The following ATP9B variants were observed in gnomAD, a reference collection of about 807,000 sequenced individuals.
The protein encoded by ATP9B is probable phospholipid-transporting ATPase IIB.
In ATP9B, 110 loss-of-function variants were observed where a neutral mutation model predicts 146.1. That is an observed-to-expected ratio of 0.75 (90% CI 0.65 to 0.88). The LOEUF is 0.88. Ranked by LOEUF, ATP9B falls within the 40% of genes least tolerant of loss-of-function variation. The pLI, the probability that ATP9B is intolerant of heterozygous loss-of-function variation, is 0.00. For synonymous variants in ATP9B, 604 were observed against 569.7 expected, an observed-to-expected ratio of 1.06 and a Z score of -0.86; for missense variants, 1,499 against 1,496.4, an observed-to-expected ratio of 1.00 and a Z score of -0.03.
intron 1 of ATP9B, among the ~76,000 whole-genome samples, chr18:79,094,905 G>A (rs1401325905): frequency 2.0e-5 from 3 of 152,134 alleles, no homozygotes; most frequent in East Asian, 1.9e-4. Flanking sequence ...TACACGACAT[G>A]TACACTCGGC....
chr18:79,115,105 A>G (rs1211084433), intron 4 of ATP9B: 1 of 146,906 alleles, frequency 6.8e-6, no homozygotes. Context: ...CAAAAATCAC[A>G]AGCATTCTTA....
intron 15 of ATP9B, among the ~76,000 whole-genome samples, chr18:79,326,627 C>G (rs532816445): frequency 6.6e-6 from 1 of 152,176 alleles, no homozygotes; most frequent in Admixed American, 6.5e-5. Context: ...CTGCACACTC[C>G]GTCCCCACAC....
intron 28 of ATP9B, among the ~76,000 whole-genome samples, chr18:79,374,716 C>T (rs2097093553): frequency 6.6e-6 from 1 of 152,258 alleles, no homozygotes; most frequent in African/African-American, 2.4e-5. Flanking sequence ...GTGAAATGTT[C>T]CTGTTCTTAC....
intron 20 of ATP9B, 57 bp downstream of exon 20, chr18:79,342,423 G>T (rs11659393): frequency 0.27 from 319,158 of 1,201,746 alleles, 46,252 homozygotes; most frequent in East Asian, 0.5. Context: ...CACAAACGAA[G>T]CCTATTGTTT....
intron 11 of ATP9B, among the ~76,000 whole-genome samples, chr18:79,222,216 G>A (rs893479581): frequency 9.9e-5 from 15 of 152,008 alleles, no homozygotes; most frequent in African/African-American, 1.7e-4. Flanking sequence ...AGAATTAGCC[G>A]GGCGTGGTGG....
chr18:79,149,233 A>C (rs2094643219), intron 6 of ATP9B, among the ~76,000 whole-genome samples: 1 of 152,206 alleles, frequency 6.6e-6, no homozygotes, highest in South Asian at 2.1e-4. Context: ...TTGACAAGGA[A>C]AATAAAGTGA....
chr18:79,089,325 C>T (rs1245955422), intron 1 of ATP9B, among the ~76,000 whole-genome samples: 2 of 152,204 alleles, frequency 1.3e-5, no homozygotes, highest in African/African-American at 2.4e-5. Context: ...CTTCCAATAG[C>T]CTTCCATTAC....
At chr18:79,175,196 T>C (rs1163689107) in intron 7 of ATP9B, among the ~76,000 whole-genome samples, 2 of 108,502 alleles carry the variant, frequency 1.8e-5, no homozygotes, top group East Asian at 5.4e-4. Flanking sequence ...CGAGACTGTC[T>C]CAAAAAAAAA....
chr18:79,221,557 C>CA (rs1435469535), intron 11 of ATP9B, among the ~76,000 whole-genome samples: 1 of 152,116 alleles, frequency 6.6e-6, no homozygotes, highest in Non-Finnish European at 1.5e-5. Context: ...GCCCTCTTTA[C>CA]AAAAAATACA....
At chr18:79,133,516 C>T (rs1470623440) in intron 5 of ATP9B, among the ~76,000 whole-genome samples, 1 of 151,588 alleles carries the variant, frequency 6.6e-6, no homozygotes, top group East Asian at 1.9e-4. Context: ...TAAACACACA[C>T]ACACACACAC....
intron 26 of ATP9B, chr18:79,364,342 G>GT (rs1337689530): frequency 1.3e-5 from 2 of 152,052 alleles, no homozygotes; most frequent in Non-Finnish European, 2.9e-5. Flanking sequence ...AAGACTTACT[G>GT]TAAAACAGTA....
At chr18:79,189,810 T>A (rs958465814) in intron 8 of ATP9B, among the ~76,000 whole-genome samples, 5 of 152,176 alleles carry the variant, frequency 3.3e-5, no homozygotes, top group African/African-American at 1.2e-4. Context: ...TGTGATGACT[T>A]TTGTCTACTT....
chr18:79,270,677 G>A (rs1008848387), intron 12 of ATP9B, among the ~76,000 whole-genome samples: 5 of 151,334 alleles, frequency 3.3e-5, no homozygotes, highest in African/African-American at 9.7e-5. Context: ...TGAGGTTGGC[G>A]CCCATGTTTG....
intron 11 of ATP9B, among the ~76,000 whole-genome samples, chr18:79,232,027 G>A: frequency 6.6e-6 from 1 of 151,976 alleles, no homozygotes; most frequent in East Asian, 1.9e-4. Flanking sequence ...GTGGGAGGTG[G>A]GCGAGGGATG....
chr18:79,266,928 G>A (rs1467217746), intron 12 of ATP9B, among the ~76,000 whole-genome samples: 1 of 151,854 alleles, frequency 6.6e-6, no homozygotes, highest in Non-Finnish European at 1.5e-5. Context: ...TACCATTTTT[G>A]TGGAGTTTGG....
intron 1 of ATP9B, among the ~76,000 whole-genome samples, chr18:79,091,814 G>A (rs148626632): frequency 2.4e-4 from 37 of 152,230 alleles, no homozygotes; most frequent in Middle Eastern, 3.4e-3. Context: ...GTACTATGTC[G>A]AGTAACAGTG....
chr18:79,254,702 C>T (rs1017769743), intron 12 of ATP9B: 1 of 152,548 alleles, frequency 6.6e-6, no homozygotes, highest in Non-Finnish European at 1.5e-5. Flanking sequence ...TAAGGCCCAG[C>T]TTCCCCGCTC....
At chr18:79,259,552 T>G (rs1009206436) in intron 12 of ATP9B, among the ~76,000 whole-genome samples, 2 of 152,078 alleles carry the variant, frequency 1.3e-5, no homozygotes, top group Non-Finnish European at 2.9e-5. Flanking sequence ...GCACTGAAGG[T>G]GAAGGGTGTT....
chr18:79,306,856 A>C, intron 14 of ATP9B, 130 bp from the exon 15 acceptor site: 1 of 1,093,174 alleles, frequency 9.1e-7, no homozygotes, highest in Non-Finnish European at 1.3e-6. Context: ...ATAGGAGATA[A>C]TCAGAATCAA....
Sources: allele counts gnomAD v4.1 joint callset (sites outside exome capture counted in the v4.1 genomes callset), GRCh38; gene constraint gnomAD v4.1.1; transcripts MANE v1.5; gene names NCBI Gene and HGNC (gene_info 2026-07-23, HGNC 2026-07-21).